PCDHGB5: variants seen among roughly 807,000 people sequenced by gnomAD.
PCDHGB5 encodes the protein protocadherin gamma-B5.
Under a neutral mutation model 62.9 loss-of-function variants are expected in PCDHGB5, and 48 were observed. The ratio of observed to expected loss-of-function variants is 0.76; its 90% CI spans 0.61 to 0.97. The LOEUF is 0.97. PCDHGB5 is among the 50% of genes least tolerant of loss of function. The pLI is 0.00. For missense variants in PCDHGB5, 1,118 were observed against 1,198.6 expected (o/e 0.93, Z 0.99); for synonymous variants, 474 against 511.2 (o/e 0.93, Z 0.98).
In PCDHGB5 at chr5:141,399,623, C is replaced by G; in HGVS notation, c.1496C>G (p.Ser499Cys). Residue 499 changes from serine to cysteine, a missense_variant, in exon 1 of 4, where the codon TCT becomes TGT. Around this residue, in one of 2 missense-constraint regions of PCDHGB5, gnomAD observed 1,034 missense variants for 1,029.1 expected, o/e 1.00. Coordinates refer to ENST00000617380, the MANE Select transcript of PCDHGB5 (RefSeq NM_018925.3). ...ASDLEPLALA[S>C]YVSMSAQSGV... ...GACCTAGAGCCTCTGGCACTGGCCT[C>G]TTACGTGTCCATGAGCGCGCAAAGT... The G allele has an allele frequency of 1.2e-6, 2 of 1,613,920 alleles. No individual in the cohort carries two copies. The highest frequency in any genetic ancestry group is 1.7e-6 in the Non-Finnish European group (2 of 1,179,886).
At position 141,487,653 on chromosome 5, in the gene PCDHGB5, A is replaced by C. The variant is rs1033173132; in HGVS notation, c.2398-7154A>C. The C allele has an allele frequency of 3.1e-6, 5 of 1,613,794 alleles. No individual in the cohort carries two copies. Among genetic ancestry groups the C allele is most frequent in the Non-Finnish European group, 4.2e-6 (5 of 1,179,926 alleles). ...CAGGCTCAACAAATGCTTGAGGGTT[A>C]TTCTGATCCAGGCATATGGCTAGGC... On this transcript the variant is annotated intron_variant, in intron 1 of 3. Transcript: ENST00000617380. This position sits in a 1 kb window ranked among gnomAD's most constrained non-coding sequence, Gnocchi z 5.0.
intron 1 of PCDHGB5, among the ~76,000 whole-genome samples, chr5:141,449,264 C>T (rs2098633342): frequency 6.6e-6 from 1 of 152,056 alleles, no homozygotes; most frequent in African/African-American, 2.4e-5. Flanking sequence ...GTACAAAGAA[C>T]TGTATCTCCT....
intron 1 of PCDHGB5, among the ~76,000 whole-genome samples, chr5:141,463,721 C>T (rs1012411825): frequency 1.3e-5 from 2 of 152,046 alleles, no homozygotes; most frequent in Non-Finnish European, 2.9e-5. Flanking sequence ...GCTGGGATTA[C>T]AGGCATGAGC....
At chr5:141,418,278 T>C (rs2096243624) in intron 1 of PCDHGB5, 1 of 1,613,954 alleles carries the variant, frequency 6.2e-7, no homozygotes, top group East Asian at 2.2e-5. Context: ...GAAATAAACT[T>C]AGAAATCAGT....
Position 141,418,471 on chromosome 5 carries a change from G to T in PCDHGB5, c.2397+17947G>T, listed in dbSNP as rs199547102. 57 of 1,614,002 alleles carry T rather than the reference G, an allele frequency of 3.5e-5. No homozygotes were observed. In the African/African-American group the frequency reaches 5.7e-4, roughly 16 times the overall value. ...TGCAGAAGACTCTGGACCGAGAAACGCAGAGCGCTCACCACTTGGTACTGA... is the reference window on the plus strand; with the variant it reads ...TGCAGAAGACTCTGGACCGAGAAACTCAGAGCGCTCACCACTTGGTACTGA... On this transcript the variant is annotated intron_variant, in intron 1 of 3. Coordinates refer to ENST00000617380, the MANE Select transcript of PCDHGB5 (RefSeq NM_018925.3).
chr5:141,495,415 C>T (rs1385371906), intron 2 of PCDHGB5, among the ~76,000 whole-genome samples: 1 of 152,194 alleles, frequency 6.6e-6, no homozygotes, highest in Admixed American at 6.5e-5. Context: ...TTCTCCGGCC[C>T]CTCCTCCCAC....
At position 141,400,440 on chromosome 5, in the gene PCDHGB5, A is replaced by G. The variant is rs1351638844; in HGVS notation, c.2313A>G (p.Ser771=). The change falls in exon 1 of 4, where the codon TCA becomes TCG. Residue 771 remains serine, a synonymous_variant. Transcript: ENST00000617380. The part of the protein sequence containing the change: ...NFLKCSEQLS[S]GQDILCGDSS... ...TAAAATGTAGTGAGCAATTGAGTTC[A>G]GGACAAGACATACTTTGTGGTGATT... The G allele has an allele frequency of 1.2e-6, 2 of 1,614,094 alleles. No individual in the cohort carries two copies. The highest frequency in any genetic ancestry group is 1.7e-6 in the Non-Finnish European group (2 of 1,179,906).
intron 1 of PCDHGB5, chr5:141,413,176 A>T: frequency 6.2e-7 from 1 of 1,601,892 alleles, no homozygotes; most frequent in Non-Finnish European, 8.5e-7. Context: ...CCAGACTACA[A>T]TGGCCGCTCA....
intron 1 of PCDHGB5, chr5:141,478,111 A>G (rs2099430294): frequency 1.2e-6 from 2 of 1,613,982 alleles, no homozygotes; most frequent in Admixed American, 1.7e-5. Context: ...TCACTGTGTC[A>G]GTAACCGAGG....
At chr5:141,497,595 A>C (rs973413640) in intron 2 of PCDHGB5, among the ~76,000 whole-genome samples, 1 of 147,414 alleles carries the variant, frequency 6.8e-6, no homozygotes, top group East Asian at 2.0e-4. Context: ...GCTGGAGTGC[A>C]GTGGTGCGAT....
At position 141,400,194 on chromosome 5, in the gene PCDHGB5, G is replaced by T. The variant is rs2093978875; in HGVS notation, c.2067G>T (p.Val689=). ...DPQAELQFYL[V]VALALISVLF... ...AGGCTGAGCTGCAGTTTTACCTAGTGGTGGCCTTGGCCTTGATCTCAGTGC... is the reference window on the plus strand; with the variant it reads ...AGGCTGAGCTGCAGTTTTACCTAGTTGTGGCCTTGGCCTTGATCTCAGTGC... Residue 689 remains valine (V), a synonymous_variant, in exon 1 of 4, where the codon GTG becomes GTT. Transcript: ENST00000617380. 1.2e-6 allele frequency: 2 copies of T among 1,614,034 alleles called. No homozygotes were observed. Among genetic ancestry groups the T allele is most frequent in the Non-Finnish European group, 1.7e-6 (2 of 1,179,900 alleles).
At chr5:141,438,589 TAC>T (rs72335471) in intron 1 of PCDHGB5, among the ~76,000 whole-genome samples, 19,881 of 66,350 alleles carry the variant, frequency 0.3, 2,903 homozygotes, top group Admixed American at 0.41. Context: ...CATACATACA[TAC>T]ATATATATAT....
In PCDHGB5 at chr5:141,477,247, T is replaced by C; in HGVS notation, c.2398-17560T>C. On this transcript the variant is annotated intron_variant, in intron 1 of 3. Transcript: ENST00000617380. This position sits in a 1 kb window ranked among gnomAD's most constrained non-coding sequence, Gnocchi z 4.9. ...CTGTCATCGCTTTGCTCAGTGTGAC[T>C]GACCTGGATGCTGGCGAGAACGGGC... The C allele has an allele frequency of 6.2e-7, 1 of 1,614,208 alleles. No individual in the cohort carries two copies. Among genetic ancestry groups the C allele is most frequent in the Non-Finnish European group, 8.5e-7 (1 of 1,180,040 alleles).
chr5:141,426,297 G>T (rs1056504791), intron 1 of PCDHGB5: 3 of 171,478 alleles, frequency 1.7e-5, no homozygotes, highest in African/African-American at 7.1e-5. Context: ...TGGGAAACAG[G>T]GTGAAGCAGA....
intron 1 of PCDHGB5, among the ~76,000 whole-genome samples, chr5:141,470,845 G>T (rs1381257094): frequency 1.3e-5 from 2 of 151,972 alleles, no homozygotes; most frequent in African/African-American, 4.8e-5. Flanking sequence ...ACGCCACCAT[G>T]CTCAGATAAG....
chr5:141,415,113 C>T, intron 1 of PCDHGB5: 1 of 1,613,642 alleles, frequency 6.2e-7, no homozygotes, highest in Middle Eastern at 1.7e-4. Context: ...AGCAAAGCCT[C>T]GTAGTGGCCG....
intron 1 of PCDHGB5, among the ~76,000 whole-genome samples, chr5:141,464,261 T>TC (rs2099079163): frequency 1.5e-5 from 2 of 137,096 alleles, no homozygotes; most frequent in African/African-American, 2.9e-5. Flanking sequence ...CGAGACTCCG[T>TC]CTAAAAAAAA....
intron 3 of PCDHGB5, among the ~76,000 whole-genome samples, chr5:141,506,402 G>C (rs1032556978): frequency 7.0e-6 from 1 of 143,732 alleles, no homozygotes; most frequent in African/African-American, 2.6e-5. Context: ...GCAGAAAATC[G>C]CACCACTGCA....
Position 141,431,420 on chromosome 5 carries a change from G to C in PCDHGB5, c.2397+30896G>C, listed in dbSNP as rs780266425. The C allele has an allele frequency of 8.1e-6, 13 of 1,613,592 alleles. No individual in the cohort carries two copies. Among genetic ancestry groups the C allele is most frequent in the East Asian group, 2.2e-5 (1 of 44,902 alleles). ...TACGGCCTCCGACGGGGGCGACCCG[G>C]TGCGCACAGGCACCGCGCGCATCCG... is the stretch of plus-strand genomic sequence containing the variant. On this transcript the variant is annotated intron_variant, in intron 1 of 3. Transcript: ENST00000617380. This position sits in a 1 kb window ranked among gnomAD's most constrained non-coding sequence, Gnocchi z 4.8.
Sources: allele counts gnomAD v4.1 joint callset (sites outside exome capture counted in the v4.1 genomes callset), GRCh38; gene constraint gnomAD v4.1.1; regional missense constraint gnomAD v4.1.1; non-coding constraint Gnocchi (gnomAD v3.1); transcripts MANE v1.5; gene names NCBI Gene and HGNC (gene_info 2026-07-23, HGNC 2026-07-21).